The following CARS2 variants were observed in gnomAD, a reference collection of about 807,000 sequenced individuals.
The protein encoded by CARS2 is probable cysteine--tRNA ligase, mitochondrial.
In CARS2, 52 loss-of-function variants were observed where a neutral mutation model predicts 68.8. That is an observed-to-expected ratio of 0.76 (90% CI 0.61 to 0.95). CARS2 has a LOEUF of 0.95. CARS2 is among the 40% of genes least tolerant of loss of function. The probability of loss-of-function intolerance (pLI) is 0.00; values close to 1 mark genes in which losing one functional copy is unlikely to be tolerated. For synonymous variants in CARS2, 314 were observed against 303.6 expected (o/e 1.03, Z -0.36); for missense variants, 780 against 754.2 (o/e 1.03, Z -0.40).
chr13:110,679,597 A>AG (rs2063088369), intron 6 of CARS2, among the ~76,000 whole-genome samples: 1,697 of 43,576 alleles, frequency 0.039, 37 homozygotes, highest in Middle Eastern at 0.15. Context: ...GAAAGAAAGA[A>AG]AGAGAGAGAG....
chr13:110,647,351 A>G, intron 10 of CARS2, 112 bp from the exon 11 acceptor site: 1 of 1,340,332 alleles, frequency 7.5e-7, no homozygotes, highest in Non-Finnish European at 1.0e-6. Context: ...CCACACGGAG[A>G]GCGGGACATG....
intron 3 of CARS2, among the ~76,000 whole-genome samples, chr13:110,700,826 C>A (rs2063762756): frequency 1.3e-5 from 2 of 152,158 alleles, no homozygotes; most frequent in South Asian, 2.1e-4. Flanking sequence ...CCTTGGAGGC[C>A]GAGGGGCCAG....
rs369682310 is a variant in CARS2 at position 110,645,950 on chromosome 13, C to T, written c.1317+17G>A. The T allele has an allele frequency of 1.2e-6, 2 of 1,609,248 alleles. No homozygotes were observed. The highest frequency in any genetic ancestry group is 3.4e-5 in the Admixed American group (2 of 59,186). On this transcript the variant is annotated intron_variant, in intron 12 of 14. Coordinates refer to ENST00000257347, the MANE Select transcript of CARS2 (RefSeq NM_024537.4). ...CCCTGGCAGCAGGACCGCAAGGCCA[C>T]CTGTTCGTTGAGCTACCTTCAGGGA...
At chr13:110,661,802 C>T (rs2062509308) in intron 9 of CARS2, among the ~76,000 whole-genome samples, 1 of 151,920 alleles carries the variant, frequency 6.6e-6, no homozygotes, top group Admixed American at 6.6e-5. Context: ...TAGGGGAGTC[C>T]AAGGAGGGGC....
chr13:110,667,238 A>G, intron 8 of CARS2, 102 bp downstream of exon 8: 5 of 1,064,584 alleles, frequency 4.7e-6, no homozygotes, highest in Non-Finnish European at 6.8e-6. Flanking sequence ...TTCTTGACCT[A>G]TTAGCTGATC....
chr13:110,663,483 A>G lies in CARS2; in HGVS notation c.955T>C (p.Ser319Pro), dbSNP rs1324771429. Residue 319 changes from serine to proline, a missense_variant, in exon 9 of 15, where the codon TCC (serine) becomes CCC (proline). Coordinates refer to ENST00000257347, the MANE Select transcript of CARS2 (RefSeq NM_024537.4). ...GTAATGTAGTTCTTTAATGATTTGGACATTTTTTCTTCTTTGCCTTTGGCG... is the reference window on the plus strand; with the variant it reads ...GTAATGTAGTTCTTTAATGATTTGGGCATTTTTTCTTCTTTGCCTTTGGCG... ...LHAKGKEEKM[S>P]KSLKNYITIK... The G allele has an allele frequency of 6.2e-7, 1 of 1,614,110 alleles. No homozygotes were observed. Among genetic ancestry groups the G allele is most frequent in the Non-Finnish European group, 8.5e-7 (1 of 1,179,984 alleles).
At chr13:110,699,350 G>A (rs906327705) in intron 3 of CARS2, among the ~76,000 whole-genome samples, 2 of 152,190 alleles carry the variant, frequency 1.3e-5, no homozygotes, top group African/African-American at 4.8e-5. Context: ...GAGAGAACAG[G>A]GGTGGAACAG....
Position 110,663,833 on chromosome 13 carries a change from C to A in CARS2, c.920-315G>T, listed in dbSNP as rs564287468. On this transcript the variant is annotated intron_variant, in intron 8 of 14. Coordinates refer to ENST00000257347, the MANE Select transcript of CARS2 (RefSeq NM_024537.4). ...ACAGCAGTATTTCATCTATTTTCTC[C>A]TCTCCTGTAATTCAGAGATACTGAA... 30 of 1,126,954 alleles carry A rather than the reference C, an allele frequency of 2.7e-5. No individual in the cohort carries two copies. In the African/African-American group the frequency reaches 4.5e-4, roughly 17 times the overall value. 69.8% of individuals were successfully genotyped at this position (1,126,954 alleles called of 1,614,324 possible).
rs1404083958 is a variant in CARS2, at chr13:110,653,418, A to C, written c.988-2318T>G. 2.6e-5 allele frequency among the ~76,000 whole-genome samples: 4 copies of C among 152,182 alleles called. No individual in the cohort carries two copies. Among genetic ancestry groups the C allele is most frequent in the Non-Finnish European group, 5.9e-5 (4 of 68,040 alleles). ...CACCCGAGGTGCTGTGGTTCCAATT[A>C]ACGCACACAGCCATGTCCTGCCGGT... On this transcript the variant is annotated intron_variant, in intron 9 of 14. Coordinates refer to ENST00000257347, the MANE Select transcript of CARS2 (RefSeq NM_024537.4). The surrounding 1 kb of genome is among the most constrained non-coding windows in gnomAD (Gnocchi z 5.6).
At chr13:110,688,153 G>C in intron 3 of CARS2, 135 bp from the exon 4 acceptor site, 1 of 550,458 alleles carries the variant, frequency 1.8e-6, no homozygotes. Flanking sequence ...GCCTCAGTTT[G>C]CCCCCACCCA....
chr13:110,688,062 C>T lies in CARS2; in HGVS notation c.394-44G>A, dbSNP rs368929382. 5.4e-5 allele frequency: 72 copies of T among 1,338,452 alleles called. 1 individual carries two copies. The highest frequency in any genetic ancestry group is 2.5e-4 in the South Asian group (21 of 82,786). 82.9% of individuals were successfully genotyped at this position (1,338,452 alleles called of 1,614,324 possible). A position where few individuals can be genotyped will look rare whatever the true frequency, so the allele number is the denominator to read the frequency against. ...TGCACGTTAATGAGTCTGGGGCATT[C>T]GCAACAGAACCACCCAGCCACAAGA... is the stretch of plus-strand genomic sequence containing the variant. On this transcript the variant is annotated intron_variant, in intron 3 of 14. Transcript: ENST00000257347.
At chr13:110,697,814 A>T in intron 3 of CARS2, 1 of 374,314 alleles carries the variant, frequency 2.7e-6, no homozygotes, top group Non-Finnish European at 5.2e-6. Flanking sequence ...GAAGCAATAC[A>T]AACAGCAATT....
chr13:110,698,923 A>T (rs2063702363), intron 3 of CARS2, among the ~76,000 whole-genome samples: 1 of 152,026 alleles, frequency 6.6e-6, no homozygotes, highest in African/African-American at 2.4e-5. Flanking sequence ...GAGGTGGGAG[A>T]ACAGCTTGAG....
In CARS2 at chr13:110,664,115, C is replaced by A. The variant is rs537357990; in HGVS notation, c.920-597G>T. On this transcript the variant is annotated intron_variant, in intron 8 of 14. Transcript: ENST00000257347. Reference sequence around the variant, plus strand: ...AACTCCTGAATCTGACCCTGAAATTCTCCCTGGCCTGTAGCTTTTTACAAG... The same window carrying A: ...AACTCCTGAATCTGACCCTGAAATTATCCCTGGCCTGTAGCTTTTTACAAG... The A allele has an allele frequency of 1.7e-5, 17 of 985,252 alleles. No homozygotes were observed. In the East Asian group the frequency reaches 1.5e-3, roughly 86 times the overall value. 61.0% of individuals were successfully genotyped at this position (985,252 alleles called of 1,614,324 possible).
chr13:110,669,994 G>A (rs191711047), intron 7 of CARS2, among the ~76,000 whole-genome samples: 4 of 152,222 alleles, frequency 2.6e-5, no homozygotes, highest in Admixed American at 1.3e-4. Flanking sequence ...ACTGCAAGGC[G>A]GCAGCGAGGC....
At chr13:110,712,458 A>C (rs952857187) in intron 1 of CARS2, 3 of 192,592 alleles carry the variant, frequency 1.6e-5, no homozygotes, top group Admixed American at 6.4e-5. Flanking sequence ...GCCGCCCCGG[A>C]ACCAGAGAGC....
chr13:110,642,231 G>T, intron 14 of CARS2, 84 bp downstream of exon 14: 1 of 1,050,312 alleles, frequency 9.5e-7, no homozygotes, highest in Non-Finnish European at 1.4e-6. Context: ...GGTCACGGGG[G>T]ATGTCTGGGC....
At chr13:110,659,998 C>T (rs1356624244) in intron 9 of CARS2, among the ~76,000 whole-genome samples, 1 of 152,256 alleles carries the variant, frequency 6.6e-6, no homozygotes, top group East Asian at 1.9e-4. Flanking sequence ...AGCCAATCCT[C>T]TCAAACCCTG....
chr13:110,676,450 G>A lies in CARS2; in HGVS notation c.785+524C>T, dbSNP rs768574101. On this transcript the variant is annotated intron_variant, in intron 7 of 14. Transcript: ENST00000257347. The surrounding 1 kb of genome is among the most constrained non-coding windows in gnomAD (Gnocchi z 4.0). Reference sequence around the variant, plus strand: ...CTGAGTGGGGGCGGCAGGCAGCTGCGGTCCCAGGCAGACAGTGGGAAGAGG... The same window carrying A: ...CTGAGTGGGGGCGGCAGGCAGCTGCAGTCCCAGGCAGACAGTGGGAAGAGG... 3.3e-5 allele frequency among the ~76,000 whole-genome samples: 5 copies of A among 152,110 alleles called. No homozygotes were observed. Among genetic ancestry groups the A allele is most frequent in the East Asian group, 1.9e-4 (1 of 5,174 alleles).
Sources: gnomAD v4.1 joint callset for allele counts (sites outside exome capture counted in the v4.1 genomes callset) on GRCh38, gnomAD v4.1.1 for gene constraint, Gnocchi (gnomAD v3.1) non-coding constraint, MANE v1.5 for transcripts, NCBI Gene and HGNC (gene_info 2026-07-23, HGNC 2026-07-21) for gene names.